PTPRS: variants seen among roughly 807,000 people sequenced by gnomAD.
The protein encoded by PTPRS is protein tyrosine phosphatase receptor type S, also known as receptor-type tyrosine-protein phosphatase S.
Under a neutral mutation model 215.3 loss-of-function variants are expected in PTPRS, and 63 were observed. That is an observed-to-expected ratio of 0.29 (90% CI 0.24 to 0.36). The LOEUF is 0.36. Ranked by LOEUF, PTPRS falls within the 10% of genes least tolerant of loss-of-function variation. PTPRS has a pLI of 1.00. For missense variants in PTPRS, 2,258 were observed against 2,825.8 expected, an observed-to-expected ratio of 0.80 and a Z score of 4.56; for synonymous variants, 1,404 against 1,191.4, an observed-to-expected ratio of 1.18 and a Z score of -3.68.
In PTPRS at chr19:5,245,990, T is replaced by C; in HGVS notation, c.774A>G (p.Pro258=). Residue 258 remains proline (P), a synonymous_variant, in exon 10 of 38, where the codon CCA becomes CCG. Coordinates refer to ENST00000262963, the MANE Select transcript of PTPRS (RefSeq NM_002850.4). Reference sequence around the variant, plus strand: ...CGCAGGTGATGTTCACGTTGCCCCCTGGCATGATCTCGTGGCTCATGGGCA... The same window carrying C: ...CGCAGGTGATGTTCACGTTGCCCCCCGGCATGATCTCGTGGCTCATGGGCA... ...SILPMSHEIM[P]GGNVNITCVA... The C allele has an allele frequency of 6.3e-7, 1 of 1,591,722 alleles. No homozygotes were observed. The highest frequency in any genetic ancestry group is 8.6e-7 in the Non-Finnish European group (1 of 1,167,676).
At position 5,335,248 on chromosome 19, in the gene PTPRS, G is replaced by A. The variant is rs555632109; in HGVS notation, c.-95+5416C>T. On this transcript the variant is annotated intron_variant, in intron 1 of 37. Coordinates refer to ENST00000262963, the MANE Select transcript of PTPRS (RefSeq NM_002850.4). ...AGGATGCATGCGACTGACTGCGGACGCGTTGAGAGCCAGGGGAGGCATGTT... is the reference window on the plus strand; with the variant it reads ...AGGATGCATGCGACTGACTGCGGACACGTTGAGAGCCAGGGGAGGCATGTT... 5.3e-5 allele frequency among the ~76,000 whole-genome samples: 8 copies of A among 152,344 alleles called. No individual in the cohort carries two copies. In the South Asian group the frequency reaches 1.2e-3, roughly 24 times the overall value.
intron 1 of PTPRS, among the ~76,000 whole-genome samples, chr19:5,311,083 T>C (rs1381608565): frequency 6.6e-6 from 1 of 152,140 alleles, no homozygotes; most frequent in Admixed American, 6.5e-5. Flanking sequence ...TTTTACCCTG[T>C]TGGCCAGGAT....
At position 5,257,881 on chromosome 19, in the gene PTPRS, TCCCAC is replaced by T; in HGVS notation, c.706+131_706+135del. On this transcript the variant is annotated intron_variant, in intron 8 of 37. Coordinates refer to ENST00000262963, the MANE Select transcript of PTPRS (RefSeq NM_002850.4). This position sits in a 1 kb window ranked among gnomAD's most constrained non-coding sequence, Gnocchi z 4.4. ...GAGAGGGACGCCGCCTCGGCCAAGG[TCCCAC>T]CGCGACCGGGGAGGGGCCTTCCTGC... The T allele has an allele frequency of 1.4e-6, 1 of 693,586 alleles. No individual in the cohort carries two copies. The highest frequency in any genetic ancestry group is 2.6e-5 in the East Asian group (1 of 37,942). The allele number at this position is 693,586 out of a possible 1,614,324, so 43.0% of individuals were successfully genotyped here.
chr19:5,289,864 G>A (rs1030210132), intron 1 of PTPRS, among the ~76,000 whole-genome samples: 1 of 152,212 alleles, frequency 6.6e-6, no homozygotes, highest in African/African-American at 2.4e-5. Flanking sequence ...CCACAGAGCA[G>A]CCAGGAGCCC....
At chr19:5,229,187 G>A (rs1239625681) in intron 16 of PTPRS, 129 bp downstream of exon 16, 1 of 1,054,686 alleles carries the variant, frequency 9.5e-7, no homozygotes, top group Non-Finnish European at 1.2e-6. Flanking sequence ...GGAGAGCGAG[G>A]GGCGCATGGG....
In PTPRS at chr19:5,214,624, A is replaced by G; in HGVS notation, c.4431T>C (p.Arg1477=). ...PLPETFGDFW[R]MVWEQRSATI... is the part of the protein sequence containing the mutation. ...TCGCCGACCGCTGCTCCCACACCAT[A>G]CGCCAGAAGTCCCCAAAGGTCTCAG... Residue 1477 remains arginine (R), a synonymous_variant, in exon 29 of 38, where the codon CGT becomes CGC. Transcript: ENST00000262963. 1 of 1,613,256 alleles carries G rather than the reference A, an allele frequency of 6.2e-7. No homozygotes were observed. The highest frequency in any genetic ancestry group is 1.7e-5 in the Admixed American group (1 of 60,028).
chr19:5,216,143 G>A (rs2041425394), intron 26 of PTPRS, among the ~76,000 whole-genome samples: 1 of 152,120 alleles, frequency 6.6e-6, no homozygotes, highest in Non-Finnish European at 1.5e-5. Context: ...TACGTGAGAG[G>A]AGTGAGGGGT....
rs1391096585 is a variant in PTPRS at position 5,338,167 on chromosome 19, C to T, written c.-95+2497G>A. Reference sequence around the variant, plus strand: ...GACGGCATCTCTGGACGGCCACTGACAGTACCAGTCTCTGTCACCCCCTGG... The same window carrying T: ...GACGGCATCTCTGGACGGCCACTGATAGTACCAGTCTCTGTCACCCCCTGG... On this transcript the variant is annotated intron_variant, in intron 1 of 37. Coordinates refer to ENST00000262963, the MANE Select transcript of PTPRS (RefSeq NM_002850.4). This position sits in a 1 kb window ranked among gnomAD's most constrained non-coding sequence, Gnocchi z 4.2. Among the ~76,000 whole-genome samples the T allele has an allele frequency of 6.6e-6, 1 of 152,214 alleles. No homozygotes were observed.
rs148205270 is a variant in PTPRS at position 5,267,412 on chromosome 19, T to C, written c.380-2216A>G. On this transcript the variant is annotated intron_variant, in intron 4 of 37. Coordinates refer to ENST00000262963, the MANE Select transcript of PTPRS (RefSeq NM_002850.4). ...GGGCTCACACCTGTAATCCCAGCAC[T>C]TTGGGAGGACGAAGCAGGTGGATCA... Among the ~76,000 whole-genome samples the C allele has an allele frequency of 2.0e-3, 310 of 152,074 alleles. 3 individuals carry two copies. The highest frequency in any genetic ancestry group is 6.9e-3 in the African/African-American group (288 of 41,488).
chr19:5,211,819 C>A (rs775138511), intron 32 of PTPRS, 51 bp from the exon 33 acceptor site: 11 of 1,597,112 alleles, frequency 6.9e-6, no homozygotes, highest in Non-Finnish European at 9.4e-6. Flanking sequence ...GAAGGCTATG[C>A]TTTCAGCTGG....
chr19:5,287,050 A>G lies in PTPRS; in HGVS notation c.-94-816T>C, dbSNP rs770256439. ...CACCTGCCTGTCCCTGCCCTGCTCT[A>G]AGACCTCCCATGGCTCCCAGAGCCC... On this transcript the variant is annotated intron_variant, in intron 1 of 37. Coordinates refer to ENST00000262963, the MANE Select transcript of PTPRS (RefSeq NM_002850.4). The surrounding 1 kb of genome is among the most constrained non-coding windows in gnomAD (Gnocchi z 4.8). Among the ~76,000 whole-genome samples the G allele has an allele frequency of 2.6e-5, 4 of 152,106 alleles. No individual in the cohort carries two copies. Among genetic ancestry groups the G allele is most frequent in the African/African-American group, 4.8e-5 (2 of 41,396 alleles).
chr19:5,273,036 A>C, intron 4 of PTPRS: 1 of 264,098 alleles, frequency 3.8e-6, no homozygotes, highest in South Asian at 4.3e-5. Context: ...GAAGGAAACA[A>C]AGCCAAGAGA....
intron 2 of PTPRS, among the ~76,000 whole-genome samples, chr19:5,277,253 T>C (rs2047460147): frequency 6.6e-6 from 1 of 151,886 alleles, no homozygotes; most frequent in Non-Finnish European, 1.5e-5. Flanking sequence ...CCCCGAGGGC[T>C]GCAACATACT....
chr19:5,248,796 T>G (rs1200532300), intron 9 of PTPRS, among the ~76,000 whole-genome samples: 1 of 152,212 alleles, frequency 6.6e-6, no homozygotes, highest in Non-Finnish European at 1.5e-5. Context: ...CCCAGTGGCC[T>G]TGGGAAGGTC....
rs765371680 is a variant in PTPRS, at chr19:5,221,022, C to A, written c.3433G>T (p.Gly1145Cys). 1.9e-6 allele frequency: 3 copies of A among 1,611,596 alleles called. No homozygotes were observed. Among genetic ancestry groups the A allele is most frequent in the Admixed American group, 1.7e-5 (1 of 59,904 alleles). ...TACTGGACAGGCACGGGGCTCTGGC[C>A]GTCAGGAAGATACACCATGATGAAG... The part of the protein sequence containing the change: ...DGFIMVYLPD[G>C]QSPVPVQSYF... The change falls in exon 20 of 38, where the codon GGC (glycine) becomes TGC (cysteine). Residue 1145 changes from glycine (G) to cysteine (C), a missense_variant. Gly to Cys is a radical substitution (Grantham distance 159). Around this residue, in one of 6 missense-constraint regions of PTPRS, gnomAD observed 927 missense variants for 1,125.9 expected, o/e 0.82. Transcript: ENST00000262963.
At chr19:5,291,922 T>A (rs1015095128) in intron 1 of PTPRS, among the ~76,000 whole-genome samples, 4 of 150,534 alleles carry the variant, frequency 2.7e-5, no homozygotes, top group Admixed American at 6.6e-5. Context: ...CCCCCACTTG[T>A]GGCCCCTGGC....
chr19:5,277,937 C>T (rs2047526020), intron 2 of PTPRS: 3 of 1,501,472 alleles, frequency 2.0e-6, no homozygotes, highest in Non-Finnish European at 2.7e-6. Flanking sequence ...AAACAAAGCA[C>T]ATGCTGCCCA....
chr19:5,325,388 G>A (rs1003427378), intron 1 of PTPRS, among the ~76,000 whole-genome samples: 7 of 152,358 alleles, frequency 4.6e-5, no homozygotes, highest in Middle Eastern at 6.8e-3. Context: ...CGGAGTCGGG[G>A]GATATGATGG....
chr19:5,285,799 G>T (rs979968042), intron 2 of PTPRS, among the ~76,000 whole-genome samples: 2 of 152,228 alleles, frequency 1.3e-5, no homozygotes, highest in Non-Finnish European at 2.9e-5. Context: ...TGATGCTGGG[G>T]AAACAGACGC....
Sources: gnomAD v4.1 joint callset for allele counts (sites outside exome capture counted in the v4.1 genomes callset) on GRCh38, gnomAD v4.1.1 for gene constraint, gnomAD v4.1.1 regional missense constraint, Gnocchi (gnomAD v3.1) non-coding constraint, MANE v1.5 for transcripts, NCBI Gene and HGNC (gene_info 2026-07-23, HGNC 2026-07-21) for gene names.